TTLL5: variants seen among roughly 807,000 people sequenced by gnomAD.
TTLL5 encodes the protein tubulin tyrosine ligase like 5, also known as tubulin polyglutamylase TTLL5.
Under a neutral mutation model 168.4 loss-of-function variants are expected in TTLL5, and 132 were observed. The observed-to-expected ratio is 0.78, with a 90% CI of 0.68 to 0.91. The LOEUF (loss-of-function observed/expected upper bound fraction) is 0.91, where lower values mean the gene tolerates loss of function less well. Ranked by LOEUF, TTLL5 falls within the 40% of genes least tolerant of loss-of-function variation. TTLL5 has a pLI of 0.00. For synonymous variants in TTLL5, 546 were observed against 558.6 expected, an observed-to-expected ratio of 0.98 and a Z score of 0.32; for missense variants, 1,545 against 1,581.5, an observed-to-expected ratio of 0.98 and a Z score of 0.39.
chr14:75,695,172 A>G (rs1219539016), intron 6 of TTLL5, among the ~76,000 whole-genome samples: 1 of 152,164 alleles, frequency 6.6e-6, no homozygotes, highest in Non-Finnish European at 1.5e-5. Context: ...ATGCATTCCT[A>G]GGGGAAGGTC....
At chr14:75,662,916 T>A in intron 1 of TTLL5, 139 bp from the exon 2 acceptor site, 1 of 626,054 alleles carries the variant, frequency 1.6e-6, no homozygotes, top group Non-Finnish European at 2.9e-6. Flanking sequence ...CCATATGTTA[T>A]GGAAAGTAAA....
At chr14:75,739,091 A>G (rs546711706) in intron 15 of TTLL5, among the ~76,000 whole-genome samples, 2 of 152,196 alleles carry the variant, frequency 1.3e-5, no homozygotes, top group African/African-American at 2.4e-5. Context: ...TGCAGGCATG[A>G]GCCACCATGC....
At chr14:75,901,581 A>T (rs1022746112) in intron 30 of TTLL5, among the ~76,000 whole-genome samples, 1 of 152,226 alleles carries the variant, frequency 6.6e-6, no homozygotes, top group African/African-American at 2.4e-5. Flanking sequence ...TGGAATGCGT[A>T]GCAGTATTCC....
intron 18 of TTLL5, among the ~76,000 whole-genome samples, chr14:75,763,718 T>G (rs1890802778): frequency 6.6e-6 from 1 of 152,196 alleles, no homozygotes; most frequent in African/African-American, 2.4e-5. Flanking sequence ...CTGCCTCTCT[T>G]GTATTTTGCT....
At chr14:75,935,961 C>G (rs917500390) in intron 31 of TTLL5, among the ~76,000 whole-genome samples, 1 of 151,866 alleles carries the variant, frequency 6.6e-6, no homozygotes, top group African/African-American at 2.4e-5. Context: ...AAGAGAAAAC[C>G]CTTGAAGAAA....
Position 75,824,567 on chromosome 14 carries a change from G to C in TTLL5, c.3326+4406G>C, listed in dbSNP as rs143131622. Among the ~76,000 whole-genome samples the C allele has an allele frequency of 8.2e-3, 1,245 of 152,214 alleles. 8 individuals are homozygous for C. The highest frequency in any genetic ancestry group is 0.013 in the South Asian group (64 of 4,812). ...AGTAGAAAGGTGGTTGCCAAGGGCT[G>C]GGGGAAGAGGGGAGGGGGAATTAGT... On this transcript the variant is annotated intron_variant, in intron 28 of 31. Transcript: ENST00000298832.
At chr14:75,888,353 A>G (rs903438771) in intron 30 of TTLL5, among the ~76,000 whole-genome samples, 11 of 152,138 alleles carry the variant, frequency 7.2e-5, no homozygotes, top group African/African-American at 2.7e-4. Context: ...TTAAAATCCG[A>G]CTTCTCATGC....
At chr14:75,773,942 AGAGAGAG>A (rs1566598069) in intron 21 of TTLL5, among the ~76,000 whole-genome samples, 5 of 41,084 alleles carry the variant, frequency 1.2e-4, no homozygotes, top group African/African-American at 3.5e-4. Context: ...AGAGAGAGAG[AGAGAGAG>A]AGAGAGAAAG....
chr14:75,935,721 C>T (rs1336829532), intron 31 of TTLL5, among the ~76,000 whole-genome samples: 1 of 152,142 alleles, frequency 6.6e-6, no homozygotes, highest in Non-Finnish European at 1.5e-5. Context: ...GATTATGCTC[C>T]CCTTCATATA....
At chr14:75,739,555 T>A (rs1015427373) in intron 15 of TTLL5, among the ~76,000 whole-genome samples, 1 of 152,210 alleles carries the variant, frequency 6.6e-6, no homozygotes, top group East Asian at 1.9e-4. Context: ...TTCTCTTTAA[T>A]GTCTATGGTT....
chr14:75,788,324 G>A (rs1421239181), intron 26 of TTLL5, among the ~76,000 whole-genome samples: 1 of 151,936 alleles, frequency 6.6e-6, no homozygotes, highest in Non-Finnish European at 1.5e-5. Context: ...GGGTGGCAAA[G>A]CCAAAAGTGA....
chr14:75,792,531 G>C (rs1205778105), intron 26 of TTLL5, among the ~76,000 whole-genome samples: 1 of 150,876 alleles, frequency 6.6e-6, no homozygotes, highest in East Asian at 1.9e-4. Flanking sequence ...GGATGCCACA[G>C]ACTGTTGACA....
At chr14:75,952,327 G>A (rs2034986867) in intron 31 of TTLL5, among the ~76,000 whole-genome samples, 2 of 151,740 alleles carry the variant, frequency 1.3e-5, no homozygotes, top group South Asian at 4.2e-4. Flanking sequence ...AAAAGAAAAA[G>A]GAAAAACACA....
intron 7 of TTLL5, among the ~76,000 whole-genome samples, chr14:75,706,414 C>A (rs1321147327): frequency 1.3e-5 from 2 of 152,180 alleles, no homozygotes; most frequent in Non-Finnish European, 2.9e-5. Flanking sequence ...GTCCACAGTA[C>A]TTTTCTATTT....
intron 31 of TTLL5, among the ~76,000 whole-genome samples, chr14:75,914,141 C>G (rs2033514543): frequency 6.7e-6 from 1 of 148,480 alleles, no homozygotes; most frequent in Non-Finnish European, 1.5e-5. Context: ...CGCTCTGTCA[C>G]TCATTTATCT....
chr14:75,835,982 A>G (rs975463621), intron 28 of TTLL5, among the ~76,000 whole-genome samples: 3 of 152,202 alleles, frequency 2.0e-5, no homozygotes, highest in African/African-American at 7.2e-5. Context: ...AACAGTTTGG[A>G]GATTCCTCAA....
chr14:75,852,805 G>C (rs745602901), intron 28 of TTLL5, among the ~76,000 whole-genome samples: 71 of 152,308 alleles, frequency 4.7e-4, no homozygotes, highest in Non-Finnish European at 1.8e-4. Context: ...CTTAAATAAT[G>C]TTAAGCACAG....
intron 28 of TTLL5, among the ~76,000 whole-genome samples, chr14:75,845,591 T>C (rs1896501054): frequency 6.6e-6 from 1 of 152,224 alleles, no homozygotes; most frequent in Non-Finnish European, 1.5e-5. Flanking sequence ...CTTAACCACA[T>C]TTACTGAGCG....
At chr14:75,733,063 G>A (rs1377337335) in intron 13 of TTLL5, among the ~76,000 whole-genome samples, 2 of 152,192 alleles carry the variant, frequency 1.3e-5, no homozygotes, top group African/African-American at 4.8e-5. Context: ...CCACCCAGCT[G>A]CTGAGTTTTT....
Sources: gnomAD v4.1 joint callset for allele counts (sites outside exome capture counted in the v4.1 genomes callset) on GRCh38, gnomAD v4.1.1 for gene constraint, MANE v1.5 for transcripts, NCBI Gene and HGNC (gene_info 2026-07-23, HGNC 2026-07-21) for gene names.